Variants in GAB1 observed in about 807,000 individuals in gnomAD.
The protein encoded by GAB1 is GRB2 associated binding protein 1.
Under a neutral mutation model 66.5 loss-of-function variants are expected in GAB1, and 19 were observed. The ratio of observed to expected loss-of-function variants is 0.29; its 90% confidence interval spans 0.20 to 0.42. The LOEUF is 0.42. GAB1 is among the 10% of genes least tolerant of loss of function. GAB1 has a pLI of 1.00. For synonymous variants in GAB1, 294 were observed against 301.4 expected, an observed-to-expected ratio of 0.98 and a Z score of 0.25; for missense variants, 732 against 858.5, an observed-to-expected ratio of 0.85 and a Z score of 1.84.
intron 1 of GAB1, among the ~76,000 whole-genome samples, chr4:143,348,682 C>G (rs959249037): frequency 6.6e-6 from 1 of 152,200 alleles, no homozygotes; most frequent in Non-Finnish European, 1.5e-5. Context: ...TTCCATAGCT[C>G]GAAGCTGTTC....
At chr4:143,466,423 A>G (rs1735791435) in intron 9 of GAB1, among the ~76,000 whole-genome samples, 198 bp downstream of exon 9, 1 of 151,794 alleles carries the variant, frequency 6.6e-6, no homozygotes, top group Non-Finnish European at 1.5e-5. Context: ...GATGGTTAGA[A>G]ATTTTATACT....
At chr4:143,424,216 G>GT (rs1560759817) in intron 2 of GAB1, among the ~76,000 whole-genome samples, 1 of 152,028 alleles carries the variant, frequency 6.6e-6, no homozygotes, top group African/African-American at 2.4e-5. Flanking sequence ...AGTGAGTAGT[G>GT]TTTTTTGGTC....
chr4:143,357,848 A>C (rs1174797545), intron 1 of GAB1, among the ~76,000 whole-genome samples: 1 of 151,360 alleles, frequency 6.6e-6, no homozygotes, highest in African/African-American at 2.5e-5. Context: ...GATGGTTCTT[A>C]AGACTTAGTT....
intron 1 of GAB1, among the ~76,000 whole-genome samples, chr4:143,353,533 G>A (rs1375089604): frequency 6.6e-6 from 1 of 151,898 alleles, no homozygotes; most frequent in African/African-American, 2.4e-5. Context: ...TCCTAGCAGA[G>A]GAATAAAGTA....
intron 4 of GAB1, among the ~76,000 whole-genome samples, chr4:143,439,165 T>C (rs1025993036): frequency 6.6e-6 from 1 of 152,132 alleles, no homozygotes; most frequent in Non-Finnish European, 1.5e-5. Flanking sequence ...GAGTATACTT[T>C]CCTATACTGT....
At chr4:143,462,410 T>A (rs1164563767) in intron 8 of GAB1, among the ~76,000 whole-genome samples, 1 of 152,054 alleles carries the variant, frequency 6.6e-6, no homozygotes, top group Admixed American at 6.6e-5. Flanking sequence ...TACTAAAGAG[T>A]GTGTCTTTTT....
rs763004229 is a variant in GAB1 at position 143,438,359 on chromosome 4, G to A, written c.954G>A (p.Gln318=). 6.2e-7 allele frequency: 1 copy of A among 1,613,964 alleles called. No homozygotes were observed. Among genetic ancestry groups the A allele is most frequent in the African/African-American group, 1.3e-5 (1 of 74,896 alleles). ...DIPPTPGNTY[Q]IPRTFPEGTL... is the part of the protein sequence containing the mutation. ...CTCCAACACCTGGTAATACTTATCA[G>A]ATTCCACGAACATTTCCAGAAGGAA... The change falls in exon 4 of 10, where the codon CAG becomes CAA. Residue 318 remains glutamine, a synonymous_variant. Coordinates refer to ENST00000262994, the MANE Select transcript of GAB1 (RefSeq NM_002039.4).
intron 3 of GAB1, among the ~76,000 whole-genome samples, chr4:143,435,394 A>T (rs1445157894): frequency 6.6e-6 from 1 of 152,188 alleles, no homozygotes; most frequent in African/African-American, 2.4e-5. Flanking sequence ...TACCTATGCT[A>T]CTAACTAATA....
intron 3 of GAB1, 74 bp from the exon 4 acceptor site, chr4:143,437,925 C>T (rs371861324): frequency 5.1e-6 from 7 of 1,383,262 alleles, no homozygotes; most frequent in South Asian, 1.4e-5. Flanking sequence ...GATTGCTTAG[C>T]GATAAACATG....
chr4:143,357,685 A>G (rs912913543), intron 1 of GAB1, among the ~76,000 whole-genome samples: 8 of 152,070 alleles, frequency 5.3e-5, no homozygotes, highest in Non-Finnish European at 8.8e-5. Flanking sequence ...GTTTGGGCCA[A>G]TTTGCAACCT....
Position 143,367,964 on chromosome 4 carries a change from GT to G in GAB1, c.72+30705del, listed in dbSNP as rs1248443046. 8.6e-5 allele frequency among the ~76,000 whole-genome samples: 13 copies of G among 151,964 alleles called. No individual in the cohort carries two copies. The East Asian group carries it at 2.3e-3, about 27-fold the overall frequency. The stretch of plus-strand genomic sequence containing the variant: ...GGTCTCAAACTCCTGACCTCAGTCA[GT>G]CCATCCGCCTCAGCCTCCCAAAGTG... On this transcript the variant is annotated intron_variant, in intron 1 of 9. Coordinates refer to ENST00000262994, the MANE Select transcript of GAB1 (RefSeq NM_002039.4).
At chr4:143,414,844 A>T (rs28925890) in intron 1 of GAB1, among the ~76,000 whole-genome samples, 2,188 of 152,288 alleles carry the variant, frequency 0.014, 54 homozygotes, top group African/African-American at 0.049. Context: ...TATTTTTAAT[A>T]TACAATTCAC....
At chr4:143,380,272 T>C (rs572160532) in intron 1 of GAB1, among the ~76,000 whole-genome samples, 1 of 152,106 alleles carries the variant, frequency 6.6e-6, no homozygotes, top group South Asian at 2.1e-4. Context: ...ATTTTGAATC[T>C]CTAGTGCTCT....
chr4:143,402,925 T>C (rs771791748), intron 1 of GAB1, among the ~76,000 whole-genome samples: 2 of 152,204 alleles, frequency 1.3e-5, no homozygotes, highest in African/African-American at 4.8e-5. Context: ...TTACAGACTT[T>C]AGTGAACTTC....
chr4:143,391,927 A>T (rs1302618491), intron 1 of GAB1, among the ~76,000 whole-genome samples: 2 of 152,214 alleles, frequency 1.3e-5, no homozygotes, highest in Non-Finnish European at 2.9e-5. Flanking sequence ...TTACCTCCTT[A>T]CGTTACTTTA....
rs980700370 is a variant in GAB1 at position 143,447,597 on chromosome 4, T to C, written c.1585+7215T>C. On this transcript the variant is annotated intron_variant, in intron 6 of 9. Coordinates refer to ENST00000262994, the MANE Select transcript of GAB1 (RefSeq NM_002039.4). ...TCACTCATGATTTGGCTCTCTGTTATTGGTGTATAAGAATGCTTGTGATTT... is the reference window on the plus strand; with the variant it reads ...TCACTCATGATTTGGCTCTCTGTTACTGGTGTATAAGAATGCTTGTGATTT... Among the ~76,000 whole-genome samples, 71 of 150,846 alleles carry C rather than the reference T, an allele frequency of 4.7e-4. 1 individual carries two copies. Among genetic ancestry groups the C allele is most frequent in the Non-Finnish European group, 7.0e-4 (47 of 67,162 alleles).
At chr4:143,337,347 C>A in intron 1 of GAB1, 87 bp downstream of exon 1, 2 of 1,144,596 alleles carry the variant, frequency 1.7e-6, no homozygotes, top group African/African-American at 1.5e-5. Flanking sequence ...GCTGGCCGCG[C>A]GCGGGGCTGG....
intron 7 of GAB1, among the ~76,000 whole-genome samples, chr4:143,459,760 T>TA (rs1735386836): frequency 6.6e-6 from 1 of 152,194 alleles, no homozygotes; most frequent in African/African-American, 2.4e-5. Context: ...GTGTATTACT[T>TA]ACGTTTTAAA....
intron 8 of GAB1, among the ~76,000 whole-genome samples, chr4:143,461,399 AG>A (rs1735486915): frequency 6.6e-6 from 1 of 152,120 alleles, no homozygotes; most frequent in Admixed American, 6.5e-5. Flanking sequence ...GACCTTTTCC[AG>A]CTCTCCAGTC....
Sources: allele counts gnomAD v4.1 joint callset (sites outside exome capture counted in the v4.1 genomes callset), GRCh38; gene constraint gnomAD v4.1.1; transcripts MANE v1.5; gene names NCBI Gene and HGNC (gene_info 2026-07-23, HGNC 2026-07-21).